Variants in MYO16 observed in about 807,000 individuals in gnomAD.
MYO16 encodes the protein unconventional myosin-XVI.
In MYO16, 94 loss-of-function variants were observed where a neutral mutation model predicts 205.3. That is an observed-to-expected ratio of 0.46 (90% CI 0.39 to 0.54). The LOEUF is 0.54. Among genes scored for constraint, MYO16 ranks in the 20% least tolerant of loss-of-function variants. The pLI is 0.00. For missense variants in MYO16, 2,315 were observed against 2,387.5 expected (o/e 0.97, Z 0.63); for synonymous variants, 988 against 954.0 (o/e 1.04, Z -0.66).
chr13:108,712,270 C>T (rs567446340), intron 2 of MYO16, among the ~76,000 whole-genome samples: 1 of 152,158 alleles, frequency 6.6e-6, no homozygotes, highest in South Asian at 2.1e-4. Flanking sequence ...AGCCAATGGG[C>T]CTTAATGAAT....
intron 4 of MYO16, among the ~76,000 whole-genome samples, chr13:108,783,945 G>T (rs1433189734): frequency 6.6e-6 from 1 of 152,174 alleles, no homozygotes; most frequent in Non-Finnish European, 1.5e-5. Flanking sequence ...TACAGCGCCT[G>T]TACAGTGTCA....
intron 2 of MYO16, among the ~76,000 whole-genome samples, chr13:108,697,589 C>A (rs1381228082): frequency 6.6e-6 from 1 of 152,094 alleles, no homozygotes; most frequent in Admixed American, 6.5e-5. Context: ...ATCACTGCTG[C>A]TGATGAAATA....
chr13:108,580,757 G>A, the MYO16 span, among the ~76,000 whole-genome samples: 1 of 152,180 alleles, frequency 6.6e-6, no homozygotes, highest in Non-Finnish European at 1.5e-5. Flanking sequence ...GTCTGTGCTG[G>A]GGATGTCACT....
chr13:108,602,745 A>G (rs991433083), intron 1 of MYO16, among the ~76,000 whole-genome samples: 1 of 152,196 alleles, frequency 6.6e-6, no homozygotes, highest in Non-Finnish European at 1.5e-5. Flanking sequence ...AAATAGTTCC[A>G]TATTTGTAGA....
At chr13:109,052,901 G>C (rs967374482) in intron 25 of MYO16, among the ~76,000 whole-genome samples, 6 of 152,082 alleles carry the variant, frequency 3.9e-5, no homozygotes, top group African/African-American at 1.2e-4. Context: ...GTGTTGTTCA[G>C]GTGCTAGGAT....
intron 27 of MYO16, among the ~76,000 whole-genome samples, chr13:109,100,000 AC>A (rs1405836363): frequency 7.9e-5 from 12 of 152,200 alleles, no homozygotes; most frequent in Admixed American, 3.3e-4. Context: ...AGAATCATAA[AC>A]ACAGAAGGCA....
chr13:109,183,224 G>T lies in MYO16; in HGVS notation c.5415+3591G>T, dbSNP rs367872709. On this transcript the variant is annotated intron_variant, in intron 34 of 34. Coordinates refer to ENST00000457511, the MANE Select transcript of MYO16 (RefSeq NM_001198950.3). Reference sequence around the variant, plus strand: ...CGGTGGTGAGAAGCTAAGCGGCGGTGGGGGGGAATGCTGACAGCATCAGCC... The same window carrying T: ...CGGTGGTGAGAAGCTAAGCGGCGGTTGGGGGGAATGCTGACAGCATCAGCC... 9.9e-4 allele frequency among the ~76,000 whole-genome samples: 151 copies of T among 152,202 alleles called. 1 individual carries two copies. In the South Asian group the frequency reaches 0.027, roughly 27 times the overall value.
intron 2 of MYO16, among the ~76,000 whole-genome samples, chr13:108,705,826 C>T (rs960226205): frequency 2.6e-5 from 4 of 152,072 alleles, no homozygotes; most frequent in African/African-American, 7.2e-5. Flanking sequence ...AGGCTTATAT[C>T]GAATAGATTT....
intron 1 of MYO16, among the ~76,000 whole-genome samples, chr13:108,608,927 A>T (rs1421992613): frequency 1.3e-5 from 2 of 152,172 alleles, no homozygotes; most frequent in African/African-American, 4.8e-5. Flanking sequence ...TATAGGTGTG[A>T]GCTACCCCAC....
intron 11 of MYO16, among the ~76,000 whole-genome samples, chr13:108,858,426 C>T (rs1460154719): frequency 6.6e-6 from 1 of 152,180 alleles, no homozygotes; most frequent in Non-Finnish European, 1.5e-5. Context: ...ACCTGCACGT[C>T]TCATGGCCTT....
At chr13:108,816,692 G>A (rs1469260158) in intron 7 of MYO16, among the ~76,000 whole-genome samples, 1 of 152,192 alleles carries the variant, frequency 6.6e-6, no homozygotes, top group Admixed American at 6.5e-5. Context: ...GCCTCAAGGT[G>A]CATAAAAGGT....
rs1231864699 is a variant in MYO16 at position 108,909,877 on chromosome 13, G to A, written c.1778-126G>A. On this transcript the variant is annotated intron_variant, in intron 15 of 34. Coordinates refer to ENST00000457511, the MANE Select transcript of MYO16 (RefSeq NM_001198950.3). ...ATGCAAAAAGACAATAAAATAAAAT[G>A]TAAATAGATGGGAAAGGGAGAACTC... 4.0e-6 allele frequency: 4 copies of A among 1,002,054 alleles called. No individual in the cohort carries two copies. The Admixed American group carries it at 9.6e-5, about 24-fold the overall frequency. 62.1% of individuals were successfully genotyped at this position (1,002,054 alleles called of 1,614,324 possible). A position where few individuals can be genotyped will look rare whatever the true frequency, so the allele number is the denominator to read the frequency against.
At chr13:108,712,772 C>CG (rs34124194) in intron 3 of MYO16, 41 bp downstream of exon 3, 1 of 1,526,248 alleles carries the variant, frequency 6.6e-7, no homozygotes, top group Non-Finnish European at 9.0e-7. Context: ...TGGGGACACC[C>CG]GGGGGAGAGT....
At chr13:108,556,902 C>T in the MYO16 span, among the ~76,000 whole-genome samples, 3 of 152,012 alleles carry the variant, frequency 2.0e-5, no homozygotes, top group African/African-American at 7.2e-5. Flanking sequence ...CTTCTTTCTC[C>T]ATTGTGTGTT....
Position 108,881,666 on chromosome 13 carries a change from C to T in MYO16, c.1426-1393C>T, listed in dbSNP as rs554599389. On this transcript the variant is annotated intron_variant, in intron 12 of 34. Transcript: ENST00000457511. ...TGACTCATGCACAAGCTTCAGTAGCCGATTTGATCAAGTGGAAGAAAGGGT... is the reference window on the plus strand; with the variant it reads ...TGACTCATGCACAAGCTTCAGTAGCTGATTTGATCAAGTGGAAGAAAGGGT... 3.0e-3 allele frequency among the ~76,000 whole-genome samples: 452 copies of T among 151,982 alleles called. 3 individuals are homozygous for T. Among genetic ancestry groups the T allele is most frequent in the African/African-American group, 9.8e-3 (404 of 41,428 alleles).
chr13:108,496,072 C>G, the MYO16 span, among the ~76,000 whole-genome samples: 3 of 152,152 alleles, frequency 2.0e-5, no homozygotes, highest in Non-Finnish European at 4.4e-5. Flanking sequence ...GTCGGACTTG[C>G]GGCGCTGGGT....
chr13:108,589,852 G>A, the MYO16 span, among the ~76,000 whole-genome samples: 1 of 152,126 alleles, frequency 6.6e-6, no homozygotes. Flanking sequence ...AGTTCCTTCG[G>A]AGCAAAATTA....
chr13:108,620,809 C>G (rs1879513459), intron 1 of MYO16, among the ~76,000 whole-genome samples: 1 of 152,194 alleles, frequency 6.6e-6, no homozygotes, highest in East Asian at 1.9e-4. Flanking sequence ...CTTTATTTCT[C>G]CTGCTCCAAT....
At chr13:109,201,447 C>G (rs1880386637) in intron 34 of MYO16, 1 of 140,848 alleles carries the variant, frequency 7.1e-6, no homozygotes, top group Non-Finnish European at 1.5e-5. Flanking sequence ...TTGTTAATTC[C>G]CTCTTACATT....
Sources: allele counts gnomAD v4.1 joint callset (sites outside exome capture counted in the v4.1 genomes callset), GRCh38; gene constraint gnomAD v4.1.1; transcripts MANE v1.5; gene names NCBI Gene and HGNC (gene_info 2026-07-23, HGNC 2026-07-21).